Variants in PSMA3 observed in about 807,000 individuals in gnomAD.
PSMA3 encodes the protein proteasome 20S subunit alpha 3.
Under a neutral mutation model 40.0 loss-of-function variants are expected in PSMA3, and 8 were observed. That is an observed-to-expected ratio of 0.20 (90% CI 0.12 to 0.36). The LOEUF is 0.36. Among genes scored for constraint, PSMA3 ranks in the 10% least tolerant of loss-of-function variants. The pLI is 1.00. For missense variants in PSMA3, 219 were observed against 310.6 expected, an observed-to-expected ratio of 0.70 and a Z score of 2.22; for synonymous variants, 110 against 100.0, an observed-to-expected ratio of 1.10 and a Z score of -0.59.
At chr14:58,265,412 C>CA (rs1270640134) in intron 7 of PSMA3, 1 of 152,132 alleles carries the variant, frequency 6.6e-6, no homozygotes, top group Admixed American at 6.5e-5. Flanking sequence ...CAGTTTGTGA[C>CA]AAAATTATGC....
chr14:58,266,984 T>C (rs1890461121), intron 7 of PSMA3: 3 of 152,120 alleles, frequency 2.0e-5, no homozygotes, highest in Admixed American at 1.3e-4. Context: ...CAGAATATCT[T>C]TTTTGGCGTA....
chr14:58,260,822 T>TA, intron 5 of PSMA3, 126 bp from the exon 6 acceptor site: 2 of 563,964 alleles, frequency 3.5e-6, no homozygotes, highest in Non-Finnish European at 6.2e-6. Context: ...TCAAAGTACT[T>TA]ACTGAGTTAT....
At position 58,255,964 on chromosome 14, in the gene PSMA3, T is replaced by C. The variant is rs1289282781; in HGVS notation, c.229-1781T>C. ...GCCTCCGCCTCCCGAGTTCAAGTGA[T>C]TCTTGTGGCTCAGCCTTGGGAGTAG... On this transcript the variant is annotated intron_variant, in intron 3 of 10. Transcript: ENST00000216455. Among the ~76,000 whole-genome samples, 3 of 152,144 alleles carry C rather than the reference T, an allele frequency of 2.0e-5. No homozygotes were observed. The East Asian group carries it at 5.8e-4, about 29-fold the overall frequency.
At chr14:58,259,031 G>A (rs1890210762) in intron 5 of PSMA3, among the ~76,000 whole-genome samples, 1 of 152,146 alleles carries the variant, frequency 6.6e-6, no homozygotes, top group Non-Finnish European at 1.5e-5. Flanking sequence ...TGGCTCAAGC[G>A]ATGCTCCTAC....
At chr14:58,253,663 A>C (rs1890066389) in intron 3 of PSMA3, among the ~76,000 whole-genome samples, 1 of 152,170 alleles carries the variant, frequency 6.6e-6, no homozygotes, top group African/African-American at 2.4e-5. Context: ...GCGCGATCTC[A>C]GCTCACTGCA....
At chr14:58,261,798 T>C (rs1021475806) in intron 6 of PSMA3, among the ~76,000 whole-genome samples, 2 of 152,098 alleles carry the variant, frequency 1.3e-5, no homozygotes, top group African/African-American at 2.4e-5. Flanking sequence ...TTGGTGTCTA[T>C]AGAGACAAGG....
rs777837748 is a variant in PSMA3 at position 58,270,407 on chromosome 14, T to C, written c.591-11T>C. On this transcript the variant is annotated splice_polypyrimidine_tract_variant and intron_variant, in intron 8 of 10. Coordinates refer to ENST00000216455, the MANE Select transcript of PSMA3 (RefSeq NM_002788.4). ...GTTACCAAAATCTTACCTTTCCCTT[T>C]TCTATTCTAGAATTTACATAGTACA... The C allele has an allele frequency of 2.2e-5, 35 of 1,613,124 alleles. No individual in the cohort carries two copies. The highest frequency in any genetic ancestry group is 1.2e-4 in the Admixed American group (7 of 59,968).
intron 6 of PSMA3, among the ~76,000 whole-genome samples, chr14:58,261,999 T>C (rs868392778): frequency 1.3e-5 from 2 of 151,904 alleles, no homozygotes; most frequent in Non-Finnish European, 2.9e-5. Flanking sequence ...CGATCTTGGT[T>C]CACTGCAACC....
intron 3 of PSMA3, among the ~76,000 whole-genome samples, chr14:58,256,814 C>G (rs946991667): frequency 4.6e-5 from 7 of 151,952 alleles, no homozygotes; most frequent in African/African-American, 1.7e-4. Context: ...CCTGTAATAA[C>G]TTTAGAGAAA....
At chr14:58,259,581 G>C (rs899010437) in intron 5 of PSMA3, among the ~76,000 whole-genome samples, 1 of 152,186 alleles carries the variant, frequency 6.6e-6, no homozygotes, top group Non-Finnish European at 1.5e-5. Flanking sequence ...AAAGTGCTGG[G>C]ATTACAGGCG....
In PSMA3 at chr14:58,252,103, C is replaced by T; in HGVS notation, c.105-16C>T. 3 of 1,563,858 alleles carry T rather than the reference C, an allele frequency of 1.9e-6. No homozygotes were observed. The highest frequency in any genetic ancestry group is 2.6e-6 in the Non-Finnish European group (3 of 1,164,326). On this transcript the variant is annotated splice_polypyrimidine_tract_variant and intron_variant, in intron 2 of 10. Coordinates refer to ENST00000216455, the MANE Select transcript of PSMA3 (RefSeq NM_002788.4). ...TATTTTCAGTTAAAAAACTGATTTT[C>T]TTCTCCTTGTTTCAGTACAGCTATT... is the stretch of plus-strand genomic sequence containing the variant.
chr14:58,271,107 T>TAA (rs775816230), intron 10 of PSMA3, 109 bp downstream of exon 10: 32 of 464,060 alleles, frequency 6.9e-5, no homozygotes, highest in South Asian at 1.2e-4. Context: ...ATCCCTAATT[T>TAA]AAAAAAAAAA....
At chr14:58,252,004 T>C (rs1175731283) in intron 2 of PSMA3, 115 bp from the exon 3 acceptor site, 8 of 1,025,380 alleles carry the variant, frequency 7.8e-6, no homozygotes, top group Non-Finnish European at 1.1e-5. Context: ...TTTCAAATGT[T>C]TTAAGGTATT....
rs774643902 is a variant in PSMA3, at chr14:58,270,453, C to G, written c.626C>G (p.Ala209Gly). The change falls in exon 9 of 11, where the codon GCT becomes GGT. Residue 209 changes from alanine (A) to glycine (G), a missense_variant. Coordinates refer to ENST00000216455, the MANE Select transcript of PSMA3 (RefSeq NM_002788.4). ...YIVHDEVKDK[A>G]FELELSWVGE... is the part of the protein sequence containing the mutation. ...GTACATGACGAAGTTAAGGATAAAG[C>G]TTTTGAACTAGAACTCAGCTGGGTT... The G allele has an allele frequency of 6.2e-7, 1 of 1,613,654 alleles. No individual in the cohort carries two copies. Among genetic ancestry groups the G allele is most frequent in the Non-Finnish European group, 8.5e-7 (1 of 1,179,778 alleles).
At position 58,254,333 on chromosome 14, in the gene PSMA3, C is replaced by CAT. The variant is rs544540648; in HGVS notation, c.228+2100_228+2101dup. ...AATATTTTGAAAAAAATTATGCATGCATATATATATGTATGTACACACACA... is the reference window on the plus strand; with the variant it reads ...AATATTTTGAAAAAAATTATGCATGCATATATATATATGTATGTACACACACA... On this transcript the variant is annotated intron_variant, in intron 3 of 10. Transcript: ENST00000216455. Among the ~76,000 whole-genome samples, 41 of 23,794 alleles carry CAT rather than the reference C, an allele frequency of 1.7e-3. 12 individuals are homozygous for CAT. The highest frequency in any genetic ancestry group is 0.017 in the Admixed American group (28 of 1,650). 15.6% of individuals were successfully genotyped at this position (23,794 alleles called of 152,430 possible).
At chr14:58,252,079 A>T in intron 2 of PSMA3, 40 bp from the exon 3 acceptor site, 2 of 1,552,950 alleles carry the variant, frequency 1.3e-6, no homozygotes, top group Admixed American at 2.2e-5. Flanking sequence ...AGTTTCTTTT[A>T]TTTTCAGTTA....
Position 58,269,391 on chromosome 14 carries a change from G to A in PSMA3, c.591-1027G>A, listed in dbSNP as rs746864660. 1.1e-4 allele frequency among the ~76,000 whole-genome samples: 17 copies of A among 151,950 alleles called. 1 individual carries two copies. The highest frequency in any genetic ancestry group is 8.3e-4 in the South Asian group (4 of 4,816). Reference sequence around the variant, plus strand: ...AAAGACTACTGCCAAGAAGCTATAGGTTGAAGAGACCACTAATAATTGCAA... The same window carrying A: ...AAAGACTACTGCCAAGAAGCTATAGATTGAAGAGACCACTAATAATTGCAA... On this transcript the variant is annotated intron_variant, in intron 8 of 10. Coordinates refer to ENST00000216455, the MANE Select transcript of PSMA3 (RefSeq NM_002788.4).
At chr14:58,261,819 T>C (rs1890289952) in intron 6 of PSMA3, among the ~76,000 whole-genome samples, 1 of 152,150 alleles carries the variant, frequency 6.6e-6, no homozygotes, top group African/African-American at 2.4e-5. Context: ...TCTTTCCACG[T>C]TCCCAGGGCT....
At chr14:58,266,137 T>C (rs950167350) in intron 7 of PSMA3, 4 of 152,234 alleles carry the variant, frequency 2.6e-5, no homozygotes, top group African/African-American at 9.6e-5. Flanking sequence ...TCCATGCCAG[T>C]TGCCTTTAGT....
Sources: gnomAD v4.1 joint callset for allele counts (sites outside exome capture counted in the v4.1 genomes callset) on GRCh38, gnomAD v4.1.1 for gene constraint, MANE v1.5 for transcripts, NCBI Gene and HGNC (gene_info 2026-07-23, HGNC 2026-07-21) for gene names.